The following DNAH14 variants were observed in gnomAD, a reference collection of about 807,000 sequenced individuals.
DNAH14 encodes the protein axonemal beta dynein heavy chain 14.
DNAH14 carries 478 observed loss-of-function variants against 520.9 expected under a neutral mutation model. The observed-to-expected ratio is 0.92, with a 90% confidence interval of 0.85 to 0.99. DNAH14 has a LOEUF of 0.99. Ranked by LOEUF, DNAH14 falls within the 50% of genes least tolerant of loss-of-function variation. The pLI is 0.00. For synonymous variants in DNAH14, 1,581 were observed against 1,757.2 expected, an observed-to-expected ratio of 0.90 and a Z score of 2.51; for missense variants, 4,831 against 5,234.5, an observed-to-expected ratio of 0.92 and a Z score of 2.38.
chr1:225,172,139 A>G (rs2082756859), intron 36 of DNAH14, among the ~76,000 whole-genome samples: 1 of 152,224 alleles, frequency 6.6e-6, no homozygotes, highest in Non-Finnish European at 1.5e-5. Flanking sequence ...ATCTATGACA[A>G]ACCCACAGCC....
Position 225,123,629 on chromosome 1 carries a change from C to T in DNAH14, c.4254+15C>T. ...TACTTACTGTGGTAAGTTAATGCTG[C>T]TTTGATGTATGTATACAGGGACACC... On this transcript the variant is annotated intron_variant, in intron 27 of 85. Transcript: ENST00000682510. 1 of 403,378 alleles carries T rather than the reference C, an allele frequency of 2.5e-6. No homozygotes were observed. The highest frequency in any genetic ancestry group is 5.2e-6 in the Non-Finnish European group (1 of 193,356). 25.0% of individuals were successfully genotyped at this position (403,378 alleles called of 1,614,324 possible).
chr1:225,281,027 C>T (rs967347201), intron 54 of DNAH14, among the ~76,000 whole-genome samples: 1 of 152,136 alleles, frequency 6.6e-6, no homozygotes, highest in Non-Finnish European at 1.5e-5. Context: ...GAATAATGAG[C>T]ACCAATAAGA....
Position 225,038,787 on chromosome 1 carries a change from A to G in DNAH14, c.1452A>G (p.Gln484=). The part of the protein sequence containing the change: ...DNSKLHAISV[Q]KSEVKTDTDI... Reference sequence around the variant, plus strand: ...CAAAGTTACATGCTATTTCTGTTCAAAAGTCAGAAGTAAAAACAGACACTG... The same window carrying G: ...CAAAGTTACATGCTATTTCTGTTCAGAAGTCAGAAGTAAAAACAGACACTG... The change falls in exon 12 of 86, where the codon CAA becomes CAG. Residue 484 remains glutamine, a synonymous_variant. Transcript: ENST00000682510. The G allele has an allele frequency of 6.6e-7, 1 of 1,517,810 alleles. No individual in the cohort carries two copies. The highest frequency in any genetic ancestry group is 1.3e-5 in the South Asian group (1 of 76,752). 94.0% of individuals were successfully genotyped at this position (1,517,810 alleles called of 1,614,324 possible).
intron 66 of DNAH14, among the ~76,000 whole-genome samples, chr1:225,334,432 G>C (rs2094869092): frequency 6.6e-6 from 1 of 152,058 alleles, no homozygotes. Flanking sequence ...AGAGATCAAG[G>C]CTGCAGTGAG....
intron 27 of DNAH14, among the ~76,000 whole-genome samples, chr1:225,136,510 A>C (rs1006950215): frequency 6.6e-6 from 1 of 152,126 alleles, no homozygotes; most frequent in Non-Finnish European, 1.5e-5. Context: ...CAGGGTTTCC[A>C]ATGAGAGGTC....
intron 8 of DNAH14, among the ~76,000 whole-genome samples, chr1:224,986,457 T>TC (rs2062650250): frequency 6.6e-6 from 1 of 151,886 alleles, no homozygotes; most frequent in African/African-American, 2.4e-5. Flanking sequence ...ATGGAATCTA[T>TC]CCCGGGGATG....
intron 1 of DNAH14, among the ~76,000 whole-genome samples, chr1:224,941,207 C>A (rs1033182386): frequency 2.6e-5 from 4 of 152,118 alleles, no homozygotes; most frequent in Non-Finnish European, 5.9e-5. Context: ...TAATGATTGC[C>A]ATTCTAACTG....
At chr1:225,355,804 A>T (rs1481771177) in intron 73 of DNAH14, among the ~76,000 whole-genome samples, 1 of 152,222 alleles carries the variant, frequency 6.6e-6, no homozygotes, top group African/African-American at 2.4e-5. Flanking sequence ...GATATTTAGT[A>T]TATCCACAAT....
At chr1:225,336,053 A>ATGTATATATACG (rs1553337808) in intron 66 of DNAH14, among the ~76,000 whole-genome samples, 6 of 141,928 alleles carry the variant, frequency 4.2e-5, no homozygotes, top group African/African-American at 1.6e-4. Flanking sequence ...ATGCATATAT[A>ATGTATATATACG]CATATATGTA....
chr1:225,350,466 G>C (rs564845998), intron 71 of DNAH14, among the ~76,000 whole-genome samples: 1 of 151,880 alleles, frequency 6.6e-6, no homozygotes, highest in Non-Finnish European at 1.5e-5. Context: ...AAAACTAAAG[G>C]TTGGTGTTTT....
chr1:225,117,566 T>C, intron 23 of DNAH14, 118 bp from the exon 24 acceptor site: 1 of 633,430 alleles, frequency 1.6e-6, no homozygotes, highest in Non-Finnish European at 2.7e-6. Context: ...CTGATACTAC[T>C]ATATATACCA....
chr1:225,272,179 T>C (rs2093333181), intron 51 of DNAH14, 106 bp downstream of exon 51: 23 of 1,166,442 alleles, frequency 2.0e-5, no homozygotes, highest in Non-Finnish European at 2.7e-5. Context: ...AAATGAATGT[T>C]GGTTAGTTTT....
intron 9 of DNAH14, among the ~76,000 whole-genome samples, chr1:225,006,814 C>T (rs1331361267): frequency 1.3e-5 from 2 of 152,098 alleles, no homozygotes; most frequent in Non-Finnish European, 2.9e-5. Flanking sequence ...CTCTGTGACC[C>T]ACTCCCTATT....
chr1:225,223,011 A>T (rs545342537), intron 41 of DNAH14, among the ~76,000 whole-genome samples: 19 of 152,284 alleles, frequency 1.2e-4, no homozygotes, highest in Admixed American at 1.1e-3. Context: ...AGGGAGGAGG[A>T]ATCATCACCT....
intron 1 of DNAH14, among the ~76,000 whole-genome samples, chr1:224,930,837 A>G (rs764218580): frequency 1.3e-5 from 2 of 152,162 alleles, no homozygotes; most frequent in Non-Finnish European, 2.9e-5. Context: ...TGACCTCATG[A>G]TCTGCCCACC....
intron 66 of DNAH14, among the ~76,000 whole-genome samples, chr1:225,335,143 A>C (rs894263783): frequency 7.1e-6 from 1 of 140,980 alleles, no homozygotes; most frequent in African/African-American, 2.7e-5. Flanking sequence ...GCATGTGCAC[A>C]TGTGTACATG....
chr1:225,001,836 G>A (rs2063795215), intron 8 of DNAH14, among the ~76,000 whole-genome samples: 1 of 151,974 alleles, frequency 6.6e-6, no homozygotes, highest in African/African-American at 2.4e-5. Context: ...TTCTGTATCA[G>A]ATACTTAGAG....
chr1:225,275,965 T>C lies in DNAH14; in HGVS notation c.8062T>C (p.Phe2688Leu). ...GAATCACTCAACTGTATTTTTGGAC[T>C]TCTTGGATATAAACAAGACTCATAG... ...LMNHSTVFLD[F>L]LDINKTHRKK... Residue 2688 changes from phenylalanine to leucine, a missense_variant, in exon 53 of 86, where the codon TTC becomes CTC. By Grantham distance (22) the Phe-to-Leu change is conservative. Coordinates refer to ENST00000682510, the MANE Select transcript of DNAH14 (RefSeq NM_001367479.1). The C allele has an allele frequency of 2.5e-6, 1 of 402,236 alleles. No individual in the cohort carries two copies. The highest frequency in any genetic ancestry group is 5.0e-6 in the Non-Finnish European group (1 of 201,224). The allele number at this position is 402,236 out of a possible 1,614,324, so 24.9% of individuals were successfully genotyped here.
chr1:225,273,208 A>C, intron 52 of DNAH14, 83 bp downstream of exon 52: 2 of 1,378,560 alleles, frequency 1.5e-6, no homozygotes, highest in Non-Finnish European at 9.6e-7. Flanking sequence ...CGAAGCGGGC[A>C]GATCACGAGG....
Sources: allele counts gnomAD v4.1 joint callset (sites outside exome capture counted in the v4.1 genomes callset), GRCh38; gene constraint gnomAD v4.1.1; transcripts MANE v1.5; gene names NCBI Gene and HGNC (gene_info 2026-07-23, HGNC 2026-07-21).